SLC44A1: variants seen among roughly 807,000 people sequenced by gnomAD.
The protein encoded by SLC44A1 is choline transporter-like protein 1.
In SLC44A1, 26 loss-of-function variants were observed where a neutral mutation model predicts 79.3. The observed-to-expected ratio is 0.33, with a 90% CI of 0.24 to 0.46. SLC44A1 has a LOEUF of 0.46. Ranked by LOEUF, SLC44A1 falls within the 20% of genes least tolerant of loss-of-function variation. The pLI is 1.00. For missense variants in SLC44A1, 688 were observed against 798.1 expected (o/e 0.86, Z 1.66); for synonymous variants, 263 against 286.2 (o/e 0.92, Z 0.82).
chr9:105,351,117 C>T (rs1308897022), intron 5 of SLC44A1, among the ~76,000 whole-genome samples: 1 of 152,162 alleles, frequency 6.6e-6, no homozygotes, highest in Non-Finnish European at 1.5e-5. Flanking sequence ...CCAGAGAGAA[C>T]AGCAATAGTA....
chr9:105,414,313 C>T (rs1303788042), intron 15 of SLC44A1, among the ~76,000 whole-genome samples: 1 of 152,116 alleles, frequency 6.6e-6, no homozygotes, highest in Non-Finnish European at 1.5e-5. Flanking sequence ...CCTCGGCCTC[C>T]CAAAGTGCTG....
intron 1 of SLC44A1, among the ~76,000 whole-genome samples, chr9:105,273,717 T>C (rs1830131337): frequency 6.6e-6 from 1 of 152,186 alleles, no homozygotes; most frequent in East Asian, 1.9e-4. Flanking sequence ...GCAGTGACAG[T>C]TCATACCATT....
At chr9:105,251,227 A>G (rs914733564) in intron 1 of SLC44A1, among the ~76,000 whole-genome samples, 10 of 152,126 alleles carry the variant, frequency 6.6e-5, no homozygotes, top group Non-Finnish European at 1.3e-4. Context: ...TCAGTACTTT[A>G]TCTCTGGTTC....
chr9:105,350,795 T>C (rs1447904902), intron 5 of SLC44A1, among the ~76,000 whole-genome samples: 1 of 152,224 alleles, frequency 6.6e-6, no homozygotes, highest in Non-Finnish European at 1.5e-5. Flanking sequence ...GGCACTTGAC[T>C]TAGGAGGTAT....
In SLC44A1 at chr9:105,393,468, C is replaced by T. The variant is rs532346713; in HGVS notation, c.*4412C>T. 2 of 974,396 alleles carry T rather than the reference C, an allele frequency of 2.1e-6. No individual in the cohort carries two copies. The highest frequency in any genetic ancestry group is 2.4e-6 in the Non-Finnish European group (2 of 819,896). The allele number at this position is 974,396 out of a possible 1,614,324, so 60.4% of individuals were successfully genotyped here. A position where few individuals can be genotyped will look rare whatever the true frequency, so the allele number is the denominator to read the frequency against. On this transcript the variant is annotated 3_prime_UTR_variant, in exon 16 of 16. Transcript: ENST00000374720. ...ACACTTTTTCCATTCAGATTTCATA[C>T]ATTTGAGCCAAATTCTTATACTCCA...
chr9:105,288,270 TTGGA>T (rs1219690065), intron 1 of SLC44A1, among the ~76,000 whole-genome samples: 4 of 144,492 alleles, frequency 2.8e-5, no homozygotes, highest in African/African-American at 1.2e-4. Context: ...TTTTCTATTA[TTGGA>T]TAGTTAATTT....
intron 5 of SLC44A1, among the ~76,000 whole-genome samples, chr9:105,352,776 TTCA>T (rs1280593558): frequency 6.6e-5 from 10 of 152,198 alleles, no homozygotes; most frequent in African/African-American, 2.4e-4. Context: ...TCCACCGAAA[TTCA>T]TTAAATCACA....
intron 3 of SLC44A1, among the ~76,000 whole-genome samples, chr9:105,320,011 T>C (rs1315363670): frequency 6.6e-6 from 1 of 152,234 alleles, no homozygotes; most frequent in African/African-American, 2.4e-5. Context: ...CCCTTTGTAG[T>C]CAGTCCTTGC....
intron 2 of SLC44A1, among the ~76,000 whole-genome samples, chr9:105,302,229 A>T (rs2131293987): frequency 6.6e-6 from 1 of 152,300 alleles, no homozygotes; most frequent in Non-Finnish European, 1.5e-5. Context: ...GCTCCAAAGA[A>T]TTACTTGTAA....
chr9:105,269,721 G>A (rs1830037183), intron 1 of SLC44A1, among the ~76,000 whole-genome samples: 1 of 152,168 alleles, frequency 6.6e-6, no homozygotes, highest in Non-Finnish European at 1.5e-5. Flanking sequence ...TCTCTGTGTT[G>A]TATTGCTGTG....
At chr9:105,402,160 C>T (rs1216090335), downstream of SLC44A1, among the ~76,000 whole-genome samples, 1 of 152,004 alleles carries the variant, frequency 6.6e-6, no homozygotes, top group East Asian at 1.9e-4. Context: ...TGTGTTCAGA[C>T]CTAAAGTGTG....
chr9:105,351,667 A>G (rs1413682228), intron 5 of SLC44A1, among the ~76,000 whole-genome samples: 10 of 144,682 alleles, frequency 6.9e-5, no homozygotes, highest in Non-Finnish European at 7.8e-5. Context: ...AGAAAGAAAG[A>G]AAGAAAGAAC....
chr9:105,284,689 T>A (rs1234518451), intron 1 of SLC44A1, among the ~76,000 whole-genome samples: 1 of 152,186 alleles, frequency 6.6e-6, no homozygotes, highest in Non-Finnish European at 1.5e-5. Flanking sequence ...ATATGAAAAG[T>A]GTTCATATGG....
chr9:105,260,662 G>A (rs905321346), intron 1 of SLC44A1, among the ~76,000 whole-genome samples: 1 of 152,158 alleles, frequency 6.6e-6, no homozygotes, highest in African/African-American at 2.4e-5. Flanking sequence ...ATCTCCAAGG[G>A]ATATTAGGTA....
rs765387822 is a variant in SLC44A1 at position 105,389,711 on chromosome 9, G to A, written c.*655G>A. 85 of 1,270,686 alleles carry A rather than the reference G, an allele frequency of 6.7e-5. No homozygotes were observed. The highest frequency in any genetic ancestry group is 2.0e-4 in the Admixed American group (5 of 25,306). 78.7% of individuals were successfully genotyped at this position (1,270,686 alleles called of 1,614,324 possible). ...TCAGGTATTTGTAGTTTACCCTAAC[G>A]CTTCTTTAAAAGAAAGTAGGTAAAA... On this transcript the variant is annotated 3_prime_UTR_variant, in exon 16 of 16. Coordinates refer to ENST00000374720, the MANE Select transcript of SLC44A1 (RefSeq NM_080546.5).
intron 1 of SLC44A1, among the ~76,000 whole-genome samples, chr9:105,275,074 T>C (rs1312220458): frequency 6.6e-6 from 1 of 152,246 alleles, no homozygotes; most frequent in African/African-American, 2.4e-5. Context: ...TGATTTCAAA[T>C]TTAATTTGAA....
intron 1 of SLC44A1, among the ~76,000 whole-genome samples, chr9:105,265,108 T>A (rs1829931247): frequency 6.6e-6 from 1 of 152,248 alleles, no homozygotes. Context: ...TTCTTTCTTG[T>A]ATTGGATTCC....
At chr9:105,328,463 C>T (rs532213710) in intron 3 of SLC44A1, among the ~76,000 whole-genome samples, 1 of 152,232 alleles carries the variant, frequency 6.6e-6, no homozygotes, top group African/African-American at 2.4e-5. Context: ...GGCAGATAGG[C>T]AGTGCAGCAG....
At chr9:105,350,875 A>G (rs1437139157) in intron 5 of SLC44A1, among the ~76,000 whole-genome samples, 1 of 152,206 alleles carries the variant, frequency 6.6e-6, no homozygotes, top group Non-Finnish European at 1.5e-5. Flanking sequence ...TCTACAGCTA[A>G]AAGCAGCACC....
Sources: allele counts gnomAD v4.1 joint callset (sites outside exome capture counted in the v4.1 genomes callset), GRCh38; gene constraint gnomAD v4.1.1; transcripts MANE v1.5; gene names NCBI Gene and HGNC (gene_info 2026-07-23, HGNC 2026-07-21).